UNC13C: variants seen among roughly 807,000 people sequenced by gnomAD.
The protein encoded by UNC13C is unc-13 homolog C.
A neutral mutation model predicts 245.4 loss-of-function variants in UNC13C; 174 were observed. That is an observed-to-expected ratio of 0.71 (90% CI 0.63 to 0.80). The LOEUF (loss-of-function observed/expected upper bound fraction) is 0.80. Ranked by LOEUF, UNC13C falls within the 30% of genes least tolerant of loss-of-function variation. The pLI, the probability that UNC13C is intolerant of heterozygous loss-of-function variation, is 0.00. For missense variants in UNC13C, 2,829 were observed against 2,602.9 expected (o/e 1.09, Z -1.89); for synonymous variants, 992 against 895.1 (o/e 1.11, Z -1.93).
chr15:54,239,798 G>C (rs1028277430), intron 7 of UNC13C, among the ~76,000 whole-genome samples: 1 of 152,150 alleles, frequency 6.6e-6, no homozygotes, highest in African/African-American at 2.4e-5. Context: ...GTAATATTTT[G>C]AGTATAGTTT....
At chr15:53,900,773 C>T in the UNC13C span, among the ~76,000 whole-genome samples, 1 of 152,106 alleles carries the variant, frequency 6.6e-6, no homozygotes, top group Non-Finnish European at 1.5e-5. Context: ...AGATCTGGGT[C>T]CCAAATCTGC....
chr15:54,114,031 C>T (rs1453302893), intron 2 of UNC13C, among the ~76,000 whole-genome samples: 1 of 152,108 alleles, frequency 6.6e-6, no homozygotes, highest in Non-Finnish European at 1.5e-5. Context: ...TCCACCTGAA[C>T]ATACAGCTCT....
At chr15:53,855,311 G>T in the UNC13C span, among the ~76,000 whole-genome samples, 8 of 152,054 alleles carry the variant, frequency 5.3e-5, no homozygotes, top group Non-Finnish European at 1.0e-4. Flanking sequence ...GATTGCCCTG[G>T]CCAGAGCTTC....
At chr15:54,541,001 T>C (rs1399113799) in intron 26 of UNC13C, among the ~76,000 whole-genome samples, 1 of 152,066 alleles carries the variant, frequency 6.6e-6, no homozygotes, top group African/African-American at 2.4e-5. Flanking sequence ...TGCTGTTTTG[T>C]ACCCTATGTC....
intron 10 of UNC13C, among the ~76,000 whole-genome samples, chr15:54,288,526 A>T (rs747573783): frequency 1.1e-4 from 17 of 151,444 alleles, no homozygotes; most frequent in Admixed American, 4.0e-4. Context: ...CTGTGAGTGC[A>T]GGGACCCAGG....
chr15:54,112,198 G>A (rs934235523), intron 2 of UNC13C, among the ~76,000 whole-genome samples: 1 of 152,108 alleles, frequency 6.6e-6, no homozygotes, highest in East Asian at 1.9e-4. Flanking sequence ...CCTGAGGTTC[G>A]TTGCCTCATG....
At position 54,264,353 on chromosome 15, in the gene UNC13C, C is replaced by A; in HGVS notation, c.3634C>A (p.Leu1212Met). 6.2e-7 allele frequency: 1 copy of A among 1,604,888 alleles called. No individual in the cohort carries two copies. The highest frequency in any genetic ancestry group is 8.5e-7 in the Non-Finnish European group (1 of 1,175,298). The part of the protein sequence containing the change: ...QFTKAAKQSV[L>M]DGTSKWSAKI... ...TACAAAGGCGGCCAAACAGAGTGTA[C>A]TGGATGGGACATCTAAGTGGTCTGC... Residue 1212 changes from leucine to methionine, a missense_variant, in exon 9 of 33, where the codon CTG becomes ATG. Transcript: ENST00000260323.
At chr15:54,072,038 A>G (rs1898353334) in intron 2 of UNC13C, among the ~76,000 whole-genome samples, 1 of 152,154 alleles carries the variant, frequency 6.6e-6, no homozygotes, top group South Asian at 2.1e-4. Context: ...CATCTGGGAC[A>G]TCCCTCCTTC....
At chr15:54,413,182 TGAA>T (rs1352994218) in intron 18 of UNC13C, among the ~76,000 whole-genome samples, 1 of 152,114 alleles carries the variant, frequency 6.6e-6, no homozygotes, top group African/African-American at 2.4e-5. Flanking sequence ...TATTTTTTGT[TGAA>T]GATTTTTACA....
At position 54,479,345 on chromosome 15, in the gene UNC13C, C is replaced by G. The variant is rs75914708; in HGVS notation, c.4934-15263C>G. On this transcript the variant is annotated intron_variant, in intron 19 of 32. Coordinates refer to ENST00000260323, the MANE Select transcript of UNC13C (RefSeq NM_001080534.3). ...TATTATATAATGTTCTTCTTTTTCT[C>G]TTTTTCTGTTTTTAATGTAAAGTCT... Among the ~76,000 whole-genome samples, 476 of 152,014 alleles carry G rather than the reference C, an allele frequency of 3.1e-3. 2 individuals carry two copies. The highest frequency in any genetic ancestry group is 0.011 in the African/African-American group (463 of 41,506).
chr15:54,622,254 T>A (rs1284321669), intron 30 of UNC13C, 73 bp from the exon 31 acceptor site: 1 of 977,010 alleles, frequency 1.0e-6, no homozygotes, highest in East Asian at 2.4e-5. Context: ...TTATGTTTTT[T>A]ATGCATAGAA....
chr15:54,022,500 C>T (rs1301878220), intron 2 of UNC13C, among the ~76,000 whole-genome samples: 4 of 152,200 alleles, frequency 2.6e-5, no homozygotes, highest in Admixed American at 1.3e-4. Context: ...TTGCATTTCC[C>T]TGAGATACTG....
chr15:54,002,179 G>A (rs933245073), intron 1 of UNC13C, among the ~76,000 whole-genome samples: 3 of 152,092 alleles, frequency 2.0e-5, no homozygotes, highest in East Asian at 1.9e-4. Context: ...CCAGCTACTC[G>A]GGAGGCTGAG....
chr15:54,378,011 T>A (rs2039643738), intron 17 of UNC13C, among the ~76,000 whole-genome samples: 1 of 152,162 alleles, frequency 6.6e-6, no homozygotes. Flanking sequence ...TGGGATTTTT[T>A]TTTTGGTACA....
intron 2 of UNC13C, among the ~76,000 whole-genome samples, chr15:54,038,124 A>ATTTTTTTTTTTTTTTTTTTT (rs58063301): frequency 1.6e-4 from 7 of 45,034 alleles, no homozygotes; most frequent in South Asian, 1.2e-3. Context: ...ATATATATAT[A>ATTTTTTTTTTTTTTTTTTTT]TTTTTTTTTT....
chr15:53,870,874 G>C, the UNC13C span, among the ~76,000 whole-genome samples: 3 of 152,122 alleles, frequency 2.0e-5, no homozygotes, highest in African/African-American at 7.2e-5. Flanking sequence ...TTCTACTCTA[G>C]GATGCTTCTG....
intron 1 of UNC13C, among the ~76,000 whole-genome samples, chr15:53,989,155 G>A (rs927082730): frequency 3.3e-5 from 5 of 151,776 alleles, no homozygotes; most frequent in Non-Finnish European, 7.4e-5. Context: ...GTCAGCATAC[G>A]GGTCAATATT....
In UNC13C at chr15:54,463,227, CG is replaced by C. The variant is rs1302462472; in HGVS notation, c.4934-31379del. 7.8e-4 allele frequency among the ~76,000 whole-genome samples: 88 copies of C among 112,786 alleles called. 1 individual carries two copies. The highest frequency in any genetic ancestry group is 1.3e-3 in the Non-Finnish European group (75 of 59,010). The allele number at this position is 112,786 out of a possible 152,430, so 74.0% of individuals were successfully genotyped here. Reference sequence around the variant, plus strand: ...TCAGCTCTCAGTAAAATGGGCCAATCGGCTCTCAGTAAAATGGGCCAATCAG... The same window carrying C: ...TCAGCTCTCAGTAAAATGGGCCAATCGCTCTCAGTAAAATGGGCCAATCAG... On this transcript the variant is annotated intron_variant, in intron 19 of 32. Transcript: ENST00000260323.
At chr15:54,243,252 G>A (rs2035905853) in intron 7 of UNC13C, among the ~76,000 whole-genome samples, 2 of 151,060 alleles carry the variant, frequency 1.3e-5, no homozygotes, top group Non-Finnish European at 2.9e-5. Flanking sequence ...TTCTGTTCCT[G>A]TATTAGTTTG....
Sources: gnomAD v4.1 joint callset for allele counts (sites outside exome capture counted in the v4.1 genomes callset) on GRCh38, gnomAD v4.1.1 for gene constraint, MANE v1.5 for transcripts, NCBI Gene and HGNC (gene_info 2026-07-23, HGNC 2026-07-21) for gene names.